The following GPC5 variants were observed in gnomAD, a reference collection of about 807,000 sequenced individuals.
GPC5 encodes glypican 5, also known as glypican-5.
GPC5 carries 47 observed loss-of-function variants against 53.9 expected under a neutral mutation model. That is an observed-to-expected ratio of 0.87 (90% CI 0.69 to 1.11). GPC5 has a LOEUF of 1.11. Ranked by LOEUF, GPC5 falls within the 50% of genes most tolerant of loss-of-function variation. GPC5 has a pLI of 0.00. For synonymous variants in GPC5, 286 were observed against 263.3 expected (o/e 1.09, Z -0.84); for missense variants, 748 against 713.1 (o/e 1.05, Z -0.56).
intron 7 of GPC5, among the ~76,000 whole-genome samples, chr13:92,660,142 T>C (rs1886284923): frequency 1.3e-5 from 2 of 152,230 alleles, no homozygotes; most frequent in South Asian, 4.1e-4. Flanking sequence ...TTTATATGAA[T>C]GGAACCATAA....
intron 6 of GPC5, among the ~76,000 whole-genome samples, chr13:92,080,310 T>C (rs2041285204): frequency 6.6e-6 from 1 of 152,188 alleles, no homozygotes; most frequent in Non-Finnish European, 1.5e-5. Flanking sequence ...AATTCCTACC[T>C]GAGTGCTGAT....
intron 7 of GPC5, among the ~76,000 whole-genome samples, chr13:92,734,125 A>G (rs1888877525): frequency 6.6e-6 from 1 of 151,852 alleles, no homozygotes; most frequent in South Asian, 2.1e-4. Context: ...CACTTGGCCA[A>G]AAACACATTG....
At chr13:92,256,091 CA>C (rs1171293625) in intron 7 of GPC5, among the ~76,000 whole-genome samples, 1 of 151,716 alleles carries the variant, frequency 6.6e-6, no homozygotes, top group Non-Finnish European at 1.5e-5. Context: ...TATAATTCTT[CA>C]TATATTCTTG....
intron 7 of GPC5, among the ~76,000 whole-genome samples, chr13:92,458,932 T>G (rs937937321): frequency 1.3e-5 from 2 of 152,156 alleles, no homozygotes; most frequent in Non-Finnish European, 2.9e-5. Context: ...GCTTTGTGAG[T>G]GCCTACTTTG....
intron 7 of GPC5, chr13:92,241,380 A>T (rs1458861026): frequency 2.6e-5 from 4 of 152,220 alleles, no homozygotes; most frequent in Admixed American, 2.6e-4. Context: ...TATTTGCATG[A>T]TAAGCCTAGA....
chr13:91,984,841 C>T (rs556541357), intron 6 of GPC5, among the ~76,000 whole-genome samples: 1 of 152,210 alleles, frequency 6.6e-6, no homozygotes, highest in East Asian at 1.9e-4. Context: ...AGAACATATT[C>T]TCCGTGATTT....
At chr13:91,464,143 A>G (rs1566422535) in intron 2 of GPC5, among the ~76,000 whole-genome samples, 2 of 152,152 alleles carry the variant, frequency 1.3e-5, no homozygotes. Context: ...TGCAACATCT[A>G]GCTTTCCTGG....
intron 7 of GPC5, among the ~76,000 whole-genome samples, chr13:92,558,859 C>G (rs1191473099): frequency 6.6e-6 from 1 of 151,956 alleles, no homozygotes; most frequent in African/African-American, 2.4e-5. Context: ...CTAAACCCCC[C>G]GAAGTGTCTT....
intron 6 of GPC5, among the ~76,000 whole-genome samples, chr13:92,001,790 A>G (rs898187865): frequency 6.6e-6 from 1 of 152,226 alleles, no homozygotes; most frequent in African/African-American, 2.4e-5. Context: ...TTATTGCAAT[A>G]AAGAGCACTT....
intron 7 of GPC5, among the ~76,000 whole-genome samples, chr13:92,341,376 G>A (rs1267020146): frequency 6.6e-6 from 1 of 151,670 alleles, no homozygotes; most frequent in Non-Finnish European, 1.5e-5. Context: ...TCCAACTTTT[G>A]GTAAGAGATA....
chr13:91,727,002 A>G (rs2036589204), intron 3 of GPC5, among the ~76,000 whole-genome samples: 2 of 152,204 alleles, frequency 1.3e-5, no homozygotes, highest in Admixed American at 1.3e-4. Flanking sequence ...TTCTCACACC[A>G]TGTACTTCTT....
intron 7 of GPC5, among the ~76,000 whole-genome samples, chr13:92,436,210 C>G (rs1329790527): frequency 6.6e-6 from 1 of 152,120 alleles, no homozygotes; most frequent in Non-Finnish European, 1.5e-5. Flanking sequence ...ATGAATTGAA[C>G]TGTTTCTTCT....
intron 2 of GPC5, among the ~76,000 whole-genome samples, chr13:91,567,451 C>G (rs1472739857): frequency 6.6e-6 from 1 of 152,122 alleles, no homozygotes; most frequent in African/African-American, 2.4e-5. Flanking sequence ...TATAGCATTT[C>G]TGGGAAATAA....
At chr13:91,981,866 C>G (rs555520554) in intron 6 of GPC5, among the ~76,000 whole-genome samples, 52 of 151,900 alleles carry the variant, frequency 3.4e-4, no homozygotes, top group African/African-American at 1.1e-3. Context: ...GCTGAAAACA[C>G]AAAAGTGAAT....
At chr13:92,220,344 A>G (rs1185937719) in intron 7 of GPC5, among the ~76,000 whole-genome samples, 1 of 152,214 alleles carries the variant, frequency 6.6e-6, no homozygotes, top group Admixed American at 6.5e-5. Flanking sequence ...ATCTGAAACC[A>G]TGTTTGAGTT....
At chr13:92,610,968 ATTT>A (rs35225757) in intron 7 of GPC5, among the ~76,000 whole-genome samples, 2 of 140,118 alleles carry the variant, frequency 1.4e-5, no homozygotes, top group Admixed American at 7.2e-5. Context: ...CTCAATACAT[ATTT>A]TTTTTTTTTT....
intron 6 of GPC5, among the ~76,000 whole-genome samples, chr13:91,970,424 T>A (rs2040230495): frequency 6.6e-6 from 1 of 150,940 alleles, no homozygotes; most frequent in Non-Finnish European, 1.5e-5. Context: ...TTGCTAGGAG[T>A]AGATTGCCCC....
intron 7 of GPC5, among the ~76,000 whole-genome samples, chr13:92,802,699 CA>C (rs1210222773): frequency 2.0e-5 from 3 of 151,700 alleles, no homozygotes; most frequent in East Asian, 1.9e-4. Flanking sequence ...ATCGCAAGGA[CA>C]AAAAAACAAA....
At chr13:92,080,647 G>A (rs2041287723) in intron 6 of GPC5, among the ~76,000 whole-genome samples, 1 of 151,988 alleles carries the variant, frequency 6.6e-6, no homozygotes. Context: ...TTAATCTTCT[G>A]GCTGCTATAC....
Sources: gnomAD v4.1 joint callset for allele counts (sites outside exome capture counted in the v4.1 genomes callset) on GRCh38, gnomAD v4.1.1 for gene constraint, MANE v1.5 for transcripts, NCBI Gene and HGNC (gene_info 2026-07-23, HGNC 2026-07-21) for gene names.